The following NDEL1 variants were observed in gnomAD, a reference collection of about 807,000 sequenced individuals.
NDEL1 encodes nuclear distribution protein nudE-like 1.
NDEL1 carries 9 observed loss-of-function variants against 45.7 expected under a neutral mutation model. The ratio of observed to expected loss-of-function variants is 0.20; its 90% CI spans 0.12 to 0.34. NDEL1 has a LOEUF of 0.34. Ranked by LOEUF, NDEL1 falls within the 10% of genes least tolerant of loss-of-function variation. NDEL1 has a pLI of 1.00. For missense variants in NDEL1, 306 were observed against 406.2 expected (o/e 0.75, Z 2.12); for synonymous variants, 133 against 158.6 (o/e 0.84, Z 1.21).
chr17:8,417,820 C>T (rs910238492), intron 1 of NDEL1, among the ~76,000 whole-genome samples: 3 of 152,204 alleles, frequency 2.0e-5, no homozygotes, highest in Admixed American at 2.0e-4. Flanking sequence ...GTCCAGTCTC[C>T]CCAGATCTGG....
Position 8,463,403 on chromosome 17 carries a change from G to GTGT in NDEL1, c.944+3244_944+3246dup, listed in dbSNP as rs759276504. The GTGT allele has an allele frequency of 2.5e-6, 4 of 1,571,086 alleles. No homozygotes were observed. The South Asian group carries it at 4.5e-5, about 18-fold the overall frequency. On this transcript the variant is annotated intron_variant, in intron 8 of 8. Transcript: ENST00000334527. ...TCTTTTTCATTCTTTCTTAATCCTG[G>GTGT]TGTGTGGTGGAAGACACATTAACAA... is the stretch of plus-strand genomic sequence containing the variant.
intron 1 of NDEL1, among the ~76,000 whole-genome samples, chr17:8,440,201 A>G (rs907841782): frequency 5.9e-5 from 9 of 152,218 alleles, no homozygotes; most frequent in Admixed American, 2.0e-4. Flanking sequence ...TCAACATTCA[A>G]TTCACATGAG....
Position 8,468,062 on chromosome 17 carries a change from T to C in NDEL1, c.*1039T>C, listed in dbSNP as rs1911725908. The C allele has an allele frequency of 6.6e-6, 1 of 152,638 alleles. No individual in the cohort carries two copies. The highest frequency in any genetic ancestry group is 1.5e-5 in the Non-Finnish European group (1 of 68,040). The allele number at this position is 152,638 out of a possible 1,614,324, so 9.5% of individuals were successfully genotyped here. On this transcript the variant is annotated 3_prime_UTR_variant, in exon 9 of 9. Coordinates refer to ENST00000334527, the MANE Select transcript of NDEL1 (RefSeq NM_030808.5). ...CATGTTAATGACTCTGATGGTGTCC[T>C]CCTCTGGGCAGCTGTATAGGATCAT...
At chr17:8,472,747 C>T (rs896997758), downstream of NDEL1, among the ~76,000 whole-genome samples, 4 of 130,552 alleles carry the variant, frequency 3.1e-5, no homozygotes, top group Admixed American at 7.5e-5. Flanking sequence ...TAAATAAAAA[C>T]AACAACAAAA....
intron 4 of NDEL1, 97 bp from the exon 5 acceptor site, chr17:8,448,453 T>G (rs1597539983): frequency 2.3e-6 from 3 of 1,324,374 alleles, no homozygotes; most frequent in Non-Finnish European, 1.0e-6. Context: ...GCTGGCTAGG[T>G]CAGGAAATGT....
rs1908944975 is a variant in NDEL1, at chr17:8,429,281, T to C, written c.-12-14979T>C. Among the ~76,000 whole-genome samples, 3 of 152,230 alleles carry C rather than the reference T, an allele frequency of 2.0e-5. No individual in the cohort carries two copies. The South Asian group carries it at 6.2e-4, about 31-fold the overall frequency. On this transcript the variant is annotated intron_variant, in intron 1 of 4. Transcript: ENST00000582812. ...CCATTGGTTCATTCTTTCACTTTCG[T>C]TGAAGCATATTAAATGAGTGTTTGC...
At chr17:8,468,234 C>T (rs796642999), downstream of NDEL1, 3 of 152,250 alleles carry the variant, frequency 2.0e-5, no homozygotes, top group Non-Finnish European at 4.4e-5. Context: ...CAGGTTCCAA[C>T]GTCACTGCTG....
intron 2 of NDEL1, among the ~76,000 whole-genome samples, chr17:8,445,311 ATATT>A (rs1436577662): frequency 2.6e-5 from 4 of 152,256 alleles, no homozygotes; most frequent in Non-Finnish European, 5.9e-5. Context: ...GAAAATAAAT[ATATT>A]TAGAGATACA....
At chr17:8,426,320 G>T (rs1312635315) in intron 1 of NDEL1, among the ~76,000 whole-genome samples, 1 of 152,198 alleles carries the variant, frequency 6.6e-6, no homozygotes, top group African/African-American at 2.4e-5. Flanking sequence ...GGCTAAAATT[G>T]CTTAATAAGC....
chr17:8,469,413 T>A (rs1027898264), downstream of NDEL1, among the ~76,000 whole-genome samples: 5 of 152,174 alleles, frequency 3.3e-5, no homozygotes, highest in African/African-American at 1.2e-4. Flanking sequence ...TCTCACTTCC[T>A]TTGCATCTGA....
downstream of NDEL1, among the ~76,000 whole-genome samples, chr17:8,470,338 G>A (rs191265206): frequency 3.4e-3 from 514 of 152,186 alleles, 4 homozygotes; most frequent in African/African-American, 0.012. The surrounding 1 kb of genome is among the most constrained non-coding windows in gnomAD (Gnocchi z 4.2). Flanking sequence ...CTCCCTGCTG[G>A]TGGGGCTGAT....
At chr17:8,438,519 A>C (rs1909504199) in intron 1 of NDEL1, among the ~76,000 whole-genome samples, 1 of 151,832 alleles carries the variant, frequency 6.6e-6, no homozygotes, top group Non-Finnish European at 1.5e-5. Flanking sequence ...TCTGATTTTT[A>C]TTTTTATTTT....
chr17:8,415,677 G>A (rs553392323), intron 1 of NDEL1, among the ~76,000 whole-genome samples: 23 of 151,918 alleles, frequency 1.5e-4, no homozygotes, highest in African/African-American at 4.8e-4. Flanking sequence ...CTCTTGCCTC[G>A]GTCTCCCAGC....
At chr17:8,460,213 T>G in intron 8 of NDEL1, 53 bp downstream of exon 8, 1 of 1,559,216 alleles carries the variant, frequency 6.4e-7, no homozygotes, top group Non-Finnish European at 8.7e-7. Context: ...AGTGACAGGT[T>G]AGTAAGTGAG....
intron 8 of NDEL1, chr17:8,463,143 A>G (rs1911326311): frequency 1.9e-6 from 1 of 526,744 alleles, no homozygotes. Context: ...AGTCTCTCAA[A>G]AACACTCTTT....
chr17:8,448,510 GTTAT>G (rs753094906), intron 4 of NDEL1, 36 bp from the exon 5 acceptor site: 2 of 1,590,942 alleles, frequency 1.3e-6, no homozygotes, highest in Admixed American at 1.7e-5. Flanking sequence ...GTTTGCACAT[GTTAT>G]TTATTTAATT....
chr17:8,469,146 G>A (rs995084726), downstream of NDEL1, among the ~76,000 whole-genome samples: 12 of 152,104 alleles, frequency 7.9e-5, no homozygotes, highest in African/African-American at 2.7e-4. Flanking sequence ...AGGGACACTC[G>A]CGGTGGGTGT....
chr17:8,413,887 G>C (rs1455571194), intron 1 of NDEL1, among the ~76,000 whole-genome samples: 1 of 152,122 alleles, frequency 6.6e-6, no homozygotes, highest in African/African-American at 2.4e-5. Flanking sequence ...TTTGTAAATG[G>C]AACTAGATGA....
At chr17:8,438,311 A>G (rs1909491410) in intron 1 of NDEL1, among the ~76,000 whole-genome samples, 2 of 152,174 alleles carry the variant, frequency 1.3e-5, no homozygotes, top group Admixed American at 6.5e-5. Context: ...TGGATGTACC[A>G]TTAGAGCATT....
Sources: allele counts gnomAD v4.1 joint callset (sites outside exome capture counted in the v4.1 genomes callset), GRCh38; gene constraint gnomAD v4.1.1; non-coding constraint Gnocchi (gnomAD v3.1); transcripts MANE v1.5; gene names NCBI Gene and HGNC (gene_info 2026-07-23, HGNC 2026-07-21).